CNOT9: variants seen among roughly 807,000 people sequenced by gnomAD.
The protein encoded by CNOT9 is RCD1 required for cell differentiation1 homolog.
CNOT9 carries 8 observed loss-of-function variants against 37.4 expected under a neutral mutation model. The ratio of observed to expected loss-of-function variants is 0.21; its 90% CI spans 0.13 to 0.39. CNOT9 has a LOEUF of 0.39. Among genes scored for constraint, CNOT9 ranks in the 10% least tolerant of loss-of-function variants. CNOT9 has a pLI of 1.00. For synonymous variants in CNOT9, 120 were observed against 137.6 expected (o/e 0.87, Z 0.90); for missense variants, 154 against 365.3 (o/e 0.42, Z 4.71).
Position 218,592,749 on chromosome 2 carries a change from T to C in CNOT9, c.731+42T>C, listed in dbSNP as rs1434132710. On this transcript the variant is annotated intron_variant, in intron 7 of 7. Transcript: ENST00000273064. This position sits in a 1 kb window ranked among gnomAD's most constrained non-coding sequence, Gnocchi z 4.1. ...TGTATAGGACTTTAGGGAAATACTCTGCTGAACAGTTTCCTAATCTCATGG... is the reference window on the plus strand; with the variant it reads ...TGTATAGGACTTTAGGGAAATACTCCGCTGAACAGTTTCCTAATCTCATGG... The C allele has an allele frequency of 3.1e-5, 46 of 1,490,200 alleles. No homozygotes were observed. Among genetic ancestry groups the C allele is most frequent in the Non-Finnish European group, 4.2e-5 (45 of 1,067,296 alleles). 92.3% of individuals were successfully genotyped at this position (1,490,200 alleles called of 1,614,324 possible).
At chr2:218,593,495 G>A in intron 7 of CNOT9, 1 of 1,326,018 alleles carries the variant, frequency 7.5e-7, no homozygotes. Context: ...GTTTAAAATA[G>A]CTCTACACAT....
Position 218,595,294 on chromosome 2 carries a change from G to A in CNOT9, c.*1018G>A, listed in dbSNP as rs1364128927. On this transcript the variant is annotated 3_prime_UTR_variant, in exon 8 of 8. Transcript: ENST00000273064. ...ACTTGATCCTTTTCTTTGTTTTAGT[G>A]TGAATTTCAGCAGCTCCATCTGTCT... 1 of 150,410 alleles carries A rather than the reference G, an allele frequency of 6.6e-6. No individual in the cohort carries two copies. The highest frequency in any genetic ancestry group is 2.4e-5 in the African/African-American group (1 of 41,116). 9.3% of individuals were successfully genotyped at this position (150,410 alleles called of 1,614,324 possible). A position where few individuals can be genotyped will look rare whatever the true frequency, so the allele number is the denominator to read the frequency against.
At chr2:218,594,032 AG>A in intron 7 of CNOT9, 75 bp from the exon 8 acceptor site, 1 of 1,382,992 alleles carries the variant, frequency 7.2e-7, no homozygotes, top group South Asian at 1.2e-5. Flanking sequence ...ATGTCTAAGA[AG>A]GGGGCTCTTC....
intron 4 of CNOT9, 29 bp from the exon 5 acceptor site, chr2:218,587,557 A>T: frequency 6.4e-7 from 1 of 1,554,616 alleles, no homozygotes; most frequent in South Asian, 1.2e-5. Flanking sequence ...TAACTGTAAA[A>T]TAATTTTGTT....
chr2:218,579,079 G>A (rs935373646), intron 1 of CNOT9, among the ~76,000 whole-genome samples: 1 of 152,176 alleles, frequency 6.6e-6, no homozygotes, highest in Non-Finnish European at 1.5e-5. Context: ...AATCACTGGG[G>A]AGGGACCAGT....
In CNOT9 at chr2:218,594,532, G is replaced by A. The variant is rs933200748; in HGVS notation, c.*256G>A. On this transcript the variant is annotated 3_prime_UTR_variant, in exon 8 of 8. Coordinates refer to ENST00000273064, the MANE Select transcript of CNOT9 (RefSeq NM_005444.3). ...AGTCTGCCACCACAGCCCCAGGAGGGTGTCAACACCAGCAAATGCTGTATT... is the reference window on the plus strand; with the variant it reads ...AGTCTGCCACCACAGCCCCAGGAGGATGTCAACACCAGCAAATGCTGTATT... The A allele has an allele frequency of 4.0e-6, 2 of 494,230 alleles. No homozygotes were observed. Among genetic ancestry groups the A allele is most frequent in the Non-Finnish European group, 7.2e-6 (2 of 277,210 alleles). 30.6% of individuals were successfully genotyped at this position (494,230 alleles called of 1,614,324 possible). A position where few individuals can be genotyped will look rare whatever the true frequency, so the allele number is the denominator to read the frequency against.
Position 218,595,810 on chromosome 2 carries a change from G to T in CNOT9, c.*1534G>T, listed in dbSNP as rs1027856784. On this transcript the variant is annotated 3_prime_UTR_variant, in exon 8 of 8. Coordinates refer to ENST00000273064, the MANE Select transcript of CNOT9 (RefSeq NM_005444.3). Reference sequence around the variant, plus strand: ...GCCAACACAAGGGCTCTTTCAAGCCGACTTTCACAAAGAGAGCCGGACTTG... The same window carrying T: ...GCCAACACAAGGGCTCTTTCAAGCCTACTTTCACAAAGAGAGCCGGACTTG... 1 of 151,566 alleles carries T rather than the reference G, an allele frequency of 6.6e-6. No homozygotes were observed. Among genetic ancestry groups the T allele is most frequent in the Non-Finnish European group, 1.5e-5 (1 of 67,960 alleles). 9.4% of individuals were successfully genotyped at this position (151,566 alleles called of 1,614,324 possible).
intron 2 of CNOT9, among the ~76,000 whole-genome samples, chr2:218,581,544 C>T (rs181727977): frequency 1.6e-4 from 24 of 152,192 alleles, no homozygotes; most frequent in Middle Eastern, 6.8e-3. Flanking sequence ...GAATAGATAA[C>T]TGAAGTTCAG....
In CNOT9 at chr2:218,597,026, G is replaced by A. The variant is rs1694943825; in HGVS notation, c.*2750G>A. On this transcript the variant is annotated 3_prime_UTR_variant, in exon 8 of 8. Transcript: ENST00000273064. Reference sequence around the variant, plus strand: ...CTGCTCATTGTTCCTGCTGCTTAAAGGCTAGGAAAAGGGGGATATACAAAG... The same window carrying A: ...CTGCTCATTGTTCCTGCTGCTTAAAAGCTAGGAAAAGGGGGATATACAAAG... The A allele has an allele frequency of 6.6e-6, 1 of 151,314 alleles. No homozygotes were observed. Among genetic ancestry groups the A allele is most frequent in the African/African-American group, 2.4e-5 (1 of 40,900 alleles). 9.4% of individuals were successfully genotyped at this position (151,314 alleles called of 1,614,324 possible).
intron 1 of CNOT9, chr2:218,574,027 T>C: frequency 2.3e-6 from 1 of 434,852 alleles, no homozygotes; most frequent in South Asian, 1.6e-5. Flanking sequence ...TGGAGTGCAG[T>C]GGTGTGATCT....
At chr2:218,584,763 G>A in intron 4 of CNOT9, 42 bp downstream of exon 4, 1 of 1,358,170 alleles carries the variant, frequency 7.4e-7, no homozygotes, top group East Asian at 2.3e-5. Context: ...AATACTCACA[G>A]TAGTAGTCTA....
In CNOT9 at chr2:218,594,751, G is replaced by T. The variant is rs990104195; in HGVS notation, c.*475G>T. ...TCTCTCTCAGTATTTGTTTACTTTG[G>T]TTTTTTTGTTTTTAATCTCAGAGAG... is the stretch of plus-strand genomic sequence containing the variant. On this transcript the variant is annotated 3_prime_UTR_variant, in exon 8 of 8. Transcript: ENST00000273064. The T allele has an allele frequency of 1.3e-5, 2 of 155,132 alleles. No individual in the cohort carries two copies. The highest frequency in any genetic ancestry group is 2.0e-4 in the South Asian group (1 of 4,964). 9.6% of individuals were successfully genotyped at this position (155,132 alleles called of 1,614,324 possible).
intron 1 of CNOT9, among the ~76,000 whole-genome samples, chr2:218,576,296 T>C (rs1694165914): frequency 1.3e-5 from 2 of 152,246 alleles, no homozygotes; most frequent in South Asian, 2.1e-4. Flanking sequence ...TAAATTAATA[T>C]ATAACTCAAA....
intron 2 of CNOT9, among the ~76,000 whole-genome samples, chr2:218,581,518 A>G (rs1694378144): frequency 1.3e-5 from 2 of 152,140 alleles, no homozygotes; most frequent in South Asian, 4.1e-4. Context: ...AAAGGTGGGT[A>G]CACTTGTACA....
chr2:218,587,715 A>C lies in CNOT9; in HGVS notation c.540+20A>C, dbSNP rs771599509. 24 of 1,409,728 alleles carry C rather than the reference A, an allele frequency of 1.7e-5. 1 individual carries two copies. In the South Asian group the frequency reaches 3.0e-4, roughly 18 times the overall value. The allele number at this position is 1,409,728 out of a possible 1,614,324, so 87.3% of individuals were successfully genotyped here. ...AAAACAGTATGTACTTTTAACTTAG[A>C]TTTTACATTGTGTTGACTCTTAAGC... On this transcript the variant is annotated intron_variant, in intron 5 of 7. Transcript: ENST00000273064.
intron 7 of CNOT9, chr2:218,593,797 A>G (rs1694853614): frequency 5.0e-6 from 6 of 1,206,716 alleles, no homozygotes; most frequent in Non-Finnish European, 6.4e-6. Context: ...TATATTTCTA[A>G]CATGAGTATT....
intron 7 of CNOT9, chr2:218,593,591 C>T: frequency 6.7e-7 from 1 of 1,482,078 alleles, no homozygotes; most frequent in African/African-American, 1.4e-5. Flanking sequence ...AAAAGTTCAT[C>T]TGATAATACT....
At chr2:218,575,483 G>A (rs1274119814) in intron 1 of CNOT9, among the ~76,000 whole-genome samples, 1 of 141,046 alleles carries the variant, frequency 7.1e-6, no homozygotes, top group African/African-American at 2.5e-5. Flanking sequence ...TCCGCTCACT[G>A]CAAGCTCCGC....
intron 2 of CNOT9, 100 bp downstream of exon 2, chr2:218,580,840 C>G (rs1694347484): frequency 9.4e-7 from 1 of 1,066,026 alleles, no homozygotes; most frequent in South Asian, 1.4e-5. Flanking sequence ...GAGGATGATT[C>G]TTTAAAAAAC....
Sources: allele counts gnomAD v4.1 joint callset (sites outside exome capture counted in the v4.1 genomes callset), GRCh38; gene constraint gnomAD v4.1.1; non-coding constraint Gnocchi (gnomAD v3.1); transcripts MANE v1.5; gene names NCBI Gene and HGNC (gene_info 2026-07-23, HGNC 2026-07-21).